The following ZDHHC21 variants were observed in gnomAD, a reference collection of about 807,000 sequenced individuals.
ZDHHC21 encodes the protein palmitoyltransferase ZDHHC21.
Under a neutral mutation model 34.6 loss-of-function variants are expected in ZDHHC21, and 15 were observed. The observed-to-expected ratio is 0.43, with a 90% CI of 0.29 to 0.67. The LOEUF is 0.67. ZDHHC21 is among the 30% of genes least tolerant of loss of function. ZDHHC21 has a pLI of 0.14. For missense variants in ZDHHC21, 344 were observed against 327.7 expected, an observed-to-expected ratio of 1.05 and a Z score of -0.38; for synonymous variants, 142 against 101.8, an observed-to-expected ratio of 1.40 and a Z score of -2.38.
intron 5 of ZDHHC21, among the ~76,000 whole-genome samples, chr9:14,662,883 G>C (rs1313221280): frequency 6.6e-6 from 1 of 152,032 alleles, no homozygotes; most frequent in Non-Finnish European, 1.5e-5. Context: ...AGTGTGTATG[G>C]GACAGGTTAG....
chr9:14,602,745 G>A, the ZDHHC21 span, among the ~76,000 whole-genome samples: 4 of 151,916 alleles, frequency 2.6e-5, no homozygotes, highest in African/African-American at 9.7e-5. Context: ...AAAATATGCT[G>A]AGCAAAAGCC....
chr9:14,624,978 T>C (rs1825959113), intron 8 of ZDHHC21, among the ~76,000 whole-genome samples: 1 of 152,108 alleles, frequency 6.6e-6, no homozygotes. Flanking sequence ...GGCAAGTTTT[T>C]CACAATTAGA....
chr9:14,674,902 C>G (rs1049251170), intron 3 of ZDHHC21, among the ~76,000 whole-genome samples: 2 of 151,906 alleles, frequency 1.3e-5, no homozygotes, highest in African/African-American at 4.8e-5. Context: ...CATATCTTGA[C>G]CTGGGTGGTA....
chr9:14,632,981 G>A (rs1417951816), intron 8 of ZDHHC21, among the ~76,000 whole-genome samples: 1 of 152,158 alleles, frequency 6.6e-6, no homozygotes, highest in African/African-American at 2.4e-5. Flanking sequence ...GCAAAATGGT[G>A]CAGCAACTTT....
the ZDHHC21 span, among the ~76,000 whole-genome samples, chr9:14,604,923 G>C: frequency 6.6e-6 from 1 of 152,062 alleles, no homozygotes; most frequent in African/African-American, 2.4e-5. Context: ...CTATAAGTTT[G>C]ACTACATTAG....
chr9:14,598,324 A>T, the ZDHHC21 span, among the ~76,000 whole-genome samples: 1 of 152,280 alleles, frequency 6.6e-6, no homozygotes, highest in Admixed American at 6.5e-5. Context: ...GCCACTGTGA[A>T]CTGACAGACA....
At chr9:14,601,289 T>C in the ZDHHC21 span, among the ~76,000 whole-genome samples, 1 of 152,016 alleles carries the variant, frequency 6.6e-6, no homozygotes, top group Non-Finnish European at 1.5e-5. Context: ...ACAAGGAATT[T>C]AAACCAACTT....
At chr9:14,653,074 T>C (rs528010132) in intron 7 of ZDHHC21, among the ~76,000 whole-genome samples, 1 of 152,076 alleles carries the variant, frequency 6.6e-6, no homozygotes, top group Non-Finnish European at 1.5e-5. Context: ...ACAAAAAATA[T>C]GTATAATAAT....
downstream of ZDHHC21, among the ~76,000 whole-genome samples, chr9:14,609,029 G>C (rs1347982949): frequency 1.3e-5 from 2 of 152,028 alleles, no homozygotes; most frequent in Non-Finnish European, 2.9e-5. Flanking sequence ...ACTTATCAGA[G>C]TCAATGAATC....
intron 8 of ZDHHC21, among the ~76,000 whole-genome samples, chr9:14,625,988 G>A (rs1826140129): frequency 6.6e-6 from 1 of 151,874 alleles, no homozygotes; most frequent in Non-Finnish European, 1.5e-5. Flanking sequence ...ACATAGAGAG[G>A]AAGCCAGCAA....
At chr9:14,622,069 T>G (rs1825405507) in intron 8 of ZDHHC21, among the ~76,000 whole-genome samples, 1 of 152,078 alleles carries the variant, frequency 6.6e-6, no homozygotes, top group Admixed American at 6.6e-5. Flanking sequence ...CCAGGAATGA[T>G]AACAAACAAG....
At chr9:14,676,796 A>T (rs1424984124) in intron 3 of ZDHHC21, among the ~76,000 whole-genome samples, 1 of 152,032 alleles carries the variant, frequency 6.6e-6, no homozygotes, top group East Asian at 1.9e-4. Context: ...TAAAAAGAGA[A>T]ACATTCAAGA....
intron 7 of ZDHHC21, among the ~76,000 whole-genome samples, chr9:14,645,187 G>A (rs749657364): frequency 5.9e-5 from 9 of 151,994 alleles, no homozygotes; most frequent in Admixed American, 2.0e-4. Context: ...AAAAACTACT[G>A]TTCTACTAGA....
chr9:14,635,095 C>T (rs994454355), intron 8 of ZDHHC21, among the ~76,000 whole-genome samples: 1 of 152,062 alleles, frequency 6.6e-6, no homozygotes, highest in Admixed American at 6.5e-5. Context: ...AATTTCATTA[C>T]TTGAAGACAG....
chr9:14,641,206 G>T (rs965417245), intron 7 of ZDHHC21, among the ~76,000 whole-genome samples: 1 of 152,082 alleles, frequency 6.6e-6, no homozygotes, highest in Non-Finnish European at 1.5e-5. Context: ...CCAGACTCAA[G>T]CAAAAATCTG....
intron 8 of ZDHHC21, among the ~76,000 whole-genome samples, chr9:14,629,905 G>C (rs1252940455): frequency 1.3e-5 from 2 of 152,116 alleles, no homozygotes; most frequent in African/African-American, 4.8e-5. Flanking sequence ...AAATTAGCTG[G>C]CGTGTTGGTG....
chr9:14,634,128 GGGGCCAGAGGTCA>G (rs1827850927), intron 8 of ZDHHC21, among the ~76,000 whole-genome samples: 1 of 152,110 alleles, frequency 6.6e-6, no homozygotes, highest in African/African-American at 2.4e-5. Context: ...ACTCCTCTCA[GGGGCCAGAGGTCA>G]GGGCCACCCA....
chr9:14,619,987 G>T (rs1825006584), intron 8 of ZDHHC21, among the ~76,000 whole-genome samples: 1 of 151,584 alleles, frequency 6.6e-6, no homozygotes, highest in South Asian at 2.1e-4. Flanking sequence ...CAATTCCTTT[G>T]AAAGTCTACA....
intron 7 of ZDHHC21, among the ~76,000 whole-genome samples, chr9:14,642,714 G>C (rs1829580911): frequency 6.6e-6 from 1 of 152,178 alleles, no homozygotes; most frequent in Non-Finnish European, 1.5e-5. Context: ...GAGGCATCAG[G>C]AGAAAACTAA....
Sources: allele counts gnomAD v4.1 joint callset (sites outside exome capture counted in the v4.1 genomes callset), GRCh38; gene constraint gnomAD v4.1.1; transcripts MANE v1.5; gene names NCBI Gene and HGNC (gene_info 2026-07-23, HGNC 2026-07-21).